CCSER1: variants seen among roughly 807,000 people sequenced by gnomAD.
CCSER1 encodes serine-rich coiled-coil domain-containing protein 1.
CCSER1 carries 41 observed loss-of-function variants against 82.0 expected under a neutral mutation model. That is an observed-to-expected ratio of 0.50 (90% CI 0.39 to 0.65). The LOEUF (loss-of-function observed/expected upper bound fraction) is 0.65, where lower values mean the gene tolerates loss of function less well. CCSER1 is among the 30% of genes least tolerant of loss of function. The pLI is 0.00. For synonymous variants in CCSER1, 414 were observed against 383.9 expected (o/e 1.08, Z -0.92); for missense variants, 1,119 against 1,064.2 (o/e 1.05, Z -0.72).
chr4:91,487,688 C>T (rs974585115), intron 10 of CCSER1, among the ~76,000 whole-genome samples: 6 of 151,916 alleles, frequency 3.9e-5, no homozygotes, highest in African/African-American at 1.4e-4. Context: ...TTTTAATTTC[C>T]TTTAAATGGA....
intron 6 of CCSER1, among the ~76,000 whole-genome samples, chr4:90,690,562 G>T (rs1448791656): frequency 6.6e-6 from 1 of 152,036 alleles, no homozygotes. Context: ...TATTTCTACA[G>T]TTTTATAAGT....
At chr4:90,655,865 T>C (rs920350481) in intron 6 of CCSER1, among the ~76,000 whole-genome samples, 2 of 151,964 alleles carry the variant, frequency 1.3e-5, no homozygotes, top group African/African-American at 4.8e-5. Context: ...TTTAAAATAG[T>C]ATGCCCTAAA....
chr4:91,213,938 A>G (rs532903083), intron 10 of CCSER1, among the ~76,000 whole-genome samples: 197 of 152,226 alleles, frequency 1.3e-3, no homozygotes, highest in Non-Finnish European at 2.3e-3. Context: ...CAACATTCCT[A>G]TATTTATGGA....
At chr4:90,312,366 G>C (rs1043025174) in intron 2 of CCSER1, among the ~76,000 whole-genome samples, 6 of 152,152 alleles carry the variant, frequency 3.9e-5, no homozygotes, top group African/African-American at 1.4e-4. Flanking sequence ...TGAAGAATTT[G>C]TTATGCCATT....
intron 10 of CCSER1, among the ~76,000 whole-genome samples, chr4:91,282,366 A>G (rs923023388): frequency 6.6e-6 from 1 of 152,170 alleles, no homozygotes; most frequent in African/African-American, 2.4e-5. Context: ...ATTCTGTCTT[A>G]TGTCATTCAA....
chr4:91,062,295 C>T (rs1004701151), intron 9 of CCSER1, among the ~76,000 whole-genome samples: 5 of 152,036 alleles, frequency 3.3e-5, no homozygotes, highest in Non-Finnish European at 5.9e-5. Flanking sequence ...CCCCTTGCAT[C>T]CCTGCTAATG....
At position 91,598,652 on chromosome 4, in the gene CCSER1, T is replaced by G. The variant is rs756779742; in HGVS notation, c.2298T>G (p.Arg766=). 1.3e-6 allele frequency: 2 copies of G among 1,551,088 alleles called. No individual in the cohort carries two copies. Among genetic ancestry groups the G allele is most frequent in the South Asian group, 2.4e-5 (2 of 84,032 alleles). ...RKAIHTPTED[R]FRYSAADQTS... ...CAATACATACTCCCACCGAGGACCG[T>G]TTTAGGTATTCGGCAGCGGACCAGA... Residue 766 remains arginine, a synonymous_variant, in exon 11 of 11, where the codon CGT becomes CGG. Coordinates refer to ENST00000509176, the MANE Select transcript of CCSER1 (RefSeq NM_001145065.2).
chr4:90,535,394 G>A (rs1318602999), intron 5 of CCSER1, among the ~76,000 whole-genome samples: 11 of 151,612 alleles, frequency 7.3e-5, no homozygotes, highest in East Asian at 3.9e-4. Flanking sequence ...AGACCAGACC[G>A]GACAACATAG....
chr4:91,065,452 A>G (rs1399717766), intron 9 of CCSER1, among the ~76,000 whole-genome samples: 1 of 152,298 alleles, frequency 6.6e-6, no homozygotes, highest in Non-Finnish European at 1.5e-5. Flanking sequence ...TATTCGATAT[A>G]TACAAGGTTA....
At chr4:91,308,756 G>T (rs2149250016) in intron 10 of CCSER1, among the ~76,000 whole-genome samples, 1 of 152,076 alleles carries the variant, frequency 6.6e-6, no homozygotes, top group Middle Eastern at 3.4e-3. Flanking sequence ...TTAGTGGAAT[G>T]TAGTCAACAG....
intron 10 of CCSER1, among the ~76,000 whole-genome samples, chr4:91,150,697 T>C (rs1221872693): frequency 1.3e-5 from 2 of 152,198 alleles, no homozygotes; most frequent in African/African-American, 4.8e-5. Context: ...CATGAAGGGT[T>C]GTTGAATTTT....
chr4:90,472,085 G>A (rs1367936570), intron 5 of CCSER1, among the ~76,000 whole-genome samples: 1 of 152,014 alleles, frequency 6.6e-6, no homozygotes, highest in Non-Finnish European at 1.5e-5. Context: ...ATTTTGGATG[G>A]AATTACTTCT....
intron 10 of CCSER1, among the ~76,000 whole-genome samples, chr4:91,156,245 A>G (rs1404187004): frequency 6.6e-6 from 1 of 151,776 alleles, no homozygotes; most frequent in Non-Finnish European, 1.5e-5. Flanking sequence ...TTACAGATAA[A>G]ACACTAACAA....
At chr4:90,647,636 TA>T (rs1288524458) in intron 6 of CCSER1, among the ~76,000 whole-genome samples, 8 of 152,080 alleles carry the variant, frequency 5.3e-5, no homozygotes, top group Non-Finnish European at 1.0e-4. Context: ...TTTTGACAAT[TA>T]AAAAAATAGT....
At chr4:90,531,987 G>C (rs1774593490) in intron 5 of CCSER1, among the ~76,000 whole-genome samples, 1 of 151,932 alleles carries the variant, frequency 6.6e-6, no homozygotes. Context: ...TAAATTCTTA[G>C]AATTTGATTT....
intron 10 of CCSER1, among the ~76,000 whole-genome samples, chr4:91,387,569 TCTAA>T (rs1375357314): frequency 1.3e-5 from 2 of 152,070 alleles, no homozygotes; most frequent in Non-Finnish European, 2.9e-5. Context: ...TGTTTAAGTA[TCTAA>T]CTAATTTTGT....
chr4:91,400,171 A>G lies in CCSER1; in HGVS notation c.2218-198401A>G, dbSNP rs115068027. On this transcript the variant is annotated intron_variant, in intron 10 of 10. Coordinates refer to ENST00000509176, the MANE Select transcript of CCSER1 (RefSeq NM_001145065.2). ...AATTTGTTTTGTCTTTTTAAAAACT[A>G]GATCTCTTACATATAGAACTTACTT... Among the ~76,000 whole-genome samples, 489 of 152,130 alleles carry G rather than the reference A, an allele frequency of 3.2e-3. 1 individual carries two copies. The highest frequency in any genetic ancestry group is 4.9e-3 in the Non-Finnish European group (333 of 67,922).
intron 7 of CCSER1, among the ~76,000 whole-genome samples, chr4:90,784,924 C>T (rs1488365231): frequency 6.6e-6 from 1 of 152,126 alleles, no homozygotes; most frequent in Non-Finnish European, 1.5e-5. Flanking sequence ...AGTAGATTAT[C>T]ATAAGCATCT....
chr4:91,487,374 T>C (rs1758277628), intron 10 of CCSER1, among the ~76,000 whole-genome samples: 1 of 152,164 alleles, frequency 6.6e-6, no homozygotes, highest in South Asian at 2.1e-4. Context: ...GCACAATTCT[T>C]ACTGCTCTTT....
Sources: gnomAD v4.1 joint callset for allele counts (sites outside exome capture counted in the v4.1 genomes callset) on GRCh38, gnomAD v4.1.1 for gene constraint, MANE v1.5 for transcripts, NCBI Gene and HGNC (gene_info 2026-07-23, HGNC 2026-07-21) for gene names.